Variants in ABCB4 observed in about 807,000 individuals in gnomAD.
ABCB4 encodes ATP binding cassette subfamily B member 4.
A neutral mutation model predicts 145.7 loss-of-function variants in ABCB4; 76 were observed. That is an observed-to-expected ratio of 0.52 (90% CI 0.43 to 0.63). ABCB4 has a LOEUF of 0.63. ABCB4 is among the 30% of genes least tolerant of loss of function. The pLI is 0.00. For missense variants in ABCB4, 1,234 were observed against 1,553.1 expected, an observed-to-expected ratio of 0.79 and a Z score of 3.45; for synonymous variants, 517 against 566.8, an observed-to-expected ratio of 0.91 and a Z score of 1.25.
rs553719919 is a variant in ABCB4, at chr7:87,434,801, A to C, written c.1732-3236T>G. Reference sequence around the variant, plus strand: ...TTTTCTCAATGAGCTGGGCCATCATAGTCAATTTAGTAAATATTTATTTAG... The same window carrying C: ...TTTTCTCAATGAGCTGGGCCATCATCGTCAATTTAGTAAATATTTATTTAG... On this transcript the variant is annotated intron_variant, in intron 14 of 27. Transcript: ENST00000649586. Among the ~76,000 whole-genome samples the C allele has an allele frequency of 5.3e-5, 8 of 152,378 alleles. No individual in the cohort carries two copies. The South Asian group carries it at 1.7e-3, about 32-fold the overall frequency.
chr7:87,402,412 T>TCTTAGAATCTTTGAA (rs924570841), intron 27 of ABCB4, 110 bp from the exon 28 acceptor site: 4 of 1,322,678 alleles, frequency 3.0e-6, no homozygotes, highest in African/African-American at 1.5e-5. Context: ...ATTTCTAGTA[T>TCTTAGAATCTTTGAA]CTTAGAATCT....
chr7:87,423,700 T>C (rs2116529392), intron 17 of ABCB4: 3 of 605,388 alleles, frequency 5.0e-6, no homozygotes, highest in Middle Eastern at 4.4e-4. Flanking sequence ...TTACATTTTA[T>C]AATTTCATTA....
intron 26 of ABCB4, among the ~76,000 whole-genome samples, chr7:87,405,636 A>AGGATG (rs1283060730): frequency 6.6e-6 from 1 of 152,116 alleles, no homozygotes; most frequent in Non-Finnish European, 1.5e-5. Flanking sequence ...CATGTTGGCC[A>AGGATG]GGATGGTCTC....
At position 87,418,605 on chromosome 7, in the gene ABCB4, C is replaced by T. The variant is rs762755781; in HGVS notation, c.2410G>A (p.Asp804Asn). The T allele has an allele frequency of 2.5e-6, 4 of 1,614,130 alleles. No homozygotes were observed. The South Asian group carries it at 4.4e-5, about 18-fold the overall frequency. Residue 804 changes from aspartate (D) to asparagine (N), a missense_variant, in exon 20 of 28, where the codon GAT (aspartate) becomes AAT (asparagine). This residue lies in a region of ABCB4 where 321 missense variants were observed against 332.6 expected (regional missense o/e 0.97). Coordinates refer to ENST00000649586, the MANE Select transcript of ABCB4 (RefSeq NM_000443.4). ...GCACCAGTACTGTTTTTATGGTCAT[C>T]AAACCAGCTCATGTCCTATGGCATA... is the stretch of plus-strand genomic sequence containing the variant. ...AMLRQDMSWF[D>N]DHKNSTGALS...
At chr7:87,457,040 G>A (rs1812144493) in intron 4 of ABCB4, among the ~76,000 whole-genome samples, 1 of 152,118 alleles carries the variant, frequency 6.6e-6, no homozygotes, top group Non-Finnish European at 1.5e-5. Context: ...ATTACATGGG[G>A]AGCTTAAGAA....
chr7:87,443,174 G>A, intron 12 of ABCB4, 145 bp downstream of exon 12: 1 of 1,005,006 alleles, frequency 1.0e-6, no homozygotes, highest in Non-Finnish European at 1.6e-6. Flanking sequence ...CCAAGGGTGT[G>A]AAGGCATTAT....
At chr7:87,437,024 G>T (rs1287664455) in intron 14 of ABCB4, among the ~76,000 whole-genome samples, 1 of 152,172 alleles carries the variant, frequency 6.6e-6, no homozygotes, top group African/African-American at 2.4e-5. Context: ...CTGAGGAAGA[G>T]GTGACCTTCT....
In ABCB4 at chr7:87,449,149, A is replaced by T. The variant is rs1417104998; in HGVS notation, c.833+819T>A. Among the ~76,000 whole-genome samples, 3 of 152,048 alleles carry T rather than the reference A, an allele frequency of 2.0e-5. No individual in the cohort carries two copies. In the East Asian group the frequency reaches 5.8e-4, roughly 29 times the overall value. ...AAGAGTTTGCAACATGCCTCCAGAT[A>T]CTGGTCAATTTTCCAGGCTTATCCT... On this transcript the variant is annotated intron_variant, in intron 8 of 27. Coordinates refer to ENST00000649586, the MANE Select transcript of ABCB4 (RefSeq NM_000443.4).
At chr7:87,452,788 CTA>C in intron 6 of ABCB4, 154 bp downstream of exon 6, 2 of 850,776 alleles carry the variant, frequency 2.4e-6, no homozygotes, top group Non-Finnish European at 3.7e-6. Flanking sequence ...ATGGCATAGG[CTA>C]TAGATGCTGC....
At chr7:87,450,880 A>ACACTGTGTAGC (rs1811674994) in intron 7 of ABCB4, among the ~76,000 whole-genome samples, 1 of 152,232 alleles carries the variant, frequency 6.6e-6, no homozygotes, top group Non-Finnish European at 1.5e-5. Flanking sequence ...TGTGTAAATC[A>ACACTGTGTAGC]TCAACGTCAG....
At chr7:87,420,383 C>T (rs771438403) in intron 18 of ABCB4, among the ~76,000 whole-genome samples, 6 of 152,134 alleles carry the variant, frequency 3.9e-5, no homozygotes, top group African/African-American at 1.2e-4. Context: ...TGGTGCTTCC[C>T]GGCATCACTT....
At chr7:87,447,627 T>C (rs571888970) in intron 8 of ABCB4, among the ~76,000 whole-genome samples, 4 of 152,356 alleles carry the variant, frequency 2.6e-5, no homozygotes, top group Admixed American at 2.6e-4. Context: ...CTCTGGTCAA[T>C]GTCTCTTCTC....
At chr7:87,367,047 G>T in the ABCB4 span, among the ~76,000 whole-genome samples, 1 of 152,132 alleles carries the variant, frequency 6.6e-6, no homozygotes, top group Non-Finnish European at 1.5e-5. Flanking sequence ...TTTCAGTGAT[G>T]GGCAGAATAA....
rs1206734554 is a variant in ABCB4 at position 87,409,258 on chromosome 7, T to A, written c.3059A>T (p.Tyr1020Phe). Residue 1020 changes from tyrosine (Y) to phenylalanine (F), a missense_variant, in exon 24 of 28, where the codon TAC becomes TTC. By Grantham distance (22) the Tyr-to-Phe change is conservative. Transcript: ENST00000649586. The stretch of plus-strand genomic sequence containing the variant: ...TACAGGCTTCAGCCCCTCTTCACTG[T>A]AGCTGTCAATCAGAGGTTGTCTTTC... ...LFERQPLIDS[Y>F]SEEGLKPDKF... 6.2e-7 allele frequency: 1 copy of A among 1,613,976 alleles called. No homozygotes were observed. The highest frequency in any genetic ancestry group is 8.5e-7 in the Non-Finnish European group (1 of 1,180,000).
chr7:87,467,899 G>T (rs1311791657), intron 3 of ABCB4, among the ~76,000 whole-genome samples: 1 of 152,106 alleles, frequency 6.6e-6, no homozygotes, highest in African/African-American at 2.4e-5. Flanking sequence ...TAAAGCAGTG[G>T]GTAGAGGGAA....
the ABCB4 span, among the ~76,000 whole-genome samples, chr7:87,377,609 A>T: frequency 1.3e-5 from 2 of 152,324 alleles, no homozygotes; most frequent in East Asian, 3.9e-4. Flanking sequence ...TTGAAAGTAT[A>T]GGACAAGTTA....
chr7:87,378,570 C>T, the ABCB4 span, among the ~76,000 whole-genome samples: 2 of 152,106 alleles, frequency 1.3e-5, no homozygotes, highest in Non-Finnish European at 2.9e-5. Context: ...GGTAGACTGC[C>T]CAATGTGATT....
chr7:87,414,419 G>C, intron 21 of ABCB4, among the ~76,000 whole-genome samples: 1 of 152,196 alleles, frequency 6.6e-6, no homozygotes, highest in Non-Finnish European at 1.5e-5. Context: ...TCAGATATTA[G>C]AGCCTGTGGC....
At chr7:87,403,405 G>C in intron 26 of ABCB4, 124 bp from the exon 27 acceptor site, 1 of 905,762 alleles carries the variant, frequency 1.1e-6, no homozygotes, top group Non-Finnish European at 1.7e-6. Flanking sequence ...ACTTAACAGA[G>C]TGTTTATTTT....
Sources: allele counts gnomAD v4.1 joint callset (sites outside exome capture counted in the v4.1 genomes callset), GRCh38; gene constraint gnomAD v4.1.1; regional missense constraint gnomAD v4.1.1; transcripts MANE v1.5; gene names NCBI Gene and HGNC (gene_info 2026-07-23, HGNC 2026-07-21).